The following DDX31 variants were observed in gnomAD, a reference collection of about 807,000 sequenced individuals.
DDX31 encodes ATP-dependent DNA helicase DDX31.
A neutral mutation model predicts 91.3 loss-of-function variants in DDX31; 70 were observed. The observed-to-expected ratio is 0.77, with a 90% CI of 0.63 to 0.94. The LOEUF (loss-of-function observed/expected upper bound fraction) is 0.94. Among genes scored for constraint, DDX31 ranks in the 40% least tolerant of loss-of-function variants. The probability of loss-of-function intolerance (pLI) is 0.00; values close to 1 mark genes in which losing one functional copy is unlikely to be tolerated. For synonymous variants in DDX31, 362 were observed against 350.6 expected (o/e 1.03, Z -0.36); for missense variants, 902 against 925.0 (o/e 0.98, Z 0.32).
chr9:132,653,623 T>C (rs1183011110), intron 6 of DDX31, among the ~76,000 whole-genome samples: 1 of 149,574 alleles, frequency 6.7e-6, no homozygotes, highest in Non-Finnish European at 1.5e-5. Context: ...AAAATCTATA[T>C]GAAGAAAATT....
intron 17 of DDX31, 51 bp from the exon 18 acceptor site, chr9:132,618,492 T>C: frequency 1.3e-6 from 2 of 1,504,722 alleles, no homozygotes; most frequent in East Asian, 2.3e-5. Context: ...AGGTCAGGAA[T>C]AATGAAGCAG....
At chr9:132,646,728 A>G (rs1025811203) in intron 12 of DDX31, 95 bp downstream of exon 12, 2 of 1,214,490 alleles carry the variant, frequency 1.6e-6, no homozygotes, top group Admixed American at 3.8e-5. Flanking sequence ...AAAACCTCTG[A>G]TTTTTGGTGT....
chr9:132,610,811 C>T (rs1382731936), intron 19 of DDX31, among the ~76,000 whole-genome samples: 1 of 152,078 alleles, frequency 6.6e-6, no homozygotes, highest in Non-Finnish European at 1.5e-5. Flanking sequence ...TTTTCCTCCC[C>T]CTAGTGTAGT....
chr9:132,593,691 G>T lies in DDX31; in HGVS notation c.*1175C>A, dbSNP rs567772457. On this transcript the variant is annotated 3_prime_UTR_variant, in exon 20 of 20. Transcript: ENST00000372159. ...GGAGGCAAGGATGCTGACCCCCCGTGGTCCCTGCAGGAAGGCCCACCTTGC... is the reference window on the plus strand; with the variant it reads ...GGAGGCAAGGATGCTGACCCCCCGTTGTCCCTGCAGGAAGGCCCACCTTGC... 6.6e-6 allele frequency: 1 copy of T among 152,248 alleles called. No homozygotes were observed. Among genetic ancestry groups the T allele is most frequent in the East Asian group, 1.9e-4 (1 of 5,158 alleles). The allele number at this position is 152,248 out of a possible 1,614,324, so 9.4% of individuals were successfully genotyped here.
intron 8 of DDX31, among the ~76,000 whole-genome samples, 154 bp downstream of exon 8, chr9:132,650,921 A>G (rs1834142338): frequency 6.6e-6 from 1 of 152,250 alleles, no homozygotes; most frequent in Admixed American, 6.5e-5. Context: ...GGTTTAGATC[A>G]GTAAAAACCT....
intron 6 of DDX31, among the ~76,000 whole-genome samples, chr9:132,656,096 A>G (rs558295619): frequency 6.6e-6 from 1 of 152,154 alleles, no homozygotes; most frequent in Non-Finnish European, 1.5e-5. Flanking sequence ...GATGGATATG[A>G]TGTTAAAAAA....
At chr9:132,657,610 T>A (rs1207485061) in intron 6 of DDX31, among the ~76,000 whole-genome samples, 1 of 152,250 alleles carries the variant, frequency 6.6e-6, no homozygotes, top group Non-Finnish European at 1.5e-5. Flanking sequence ...AAATATCAGG[T>A]AGGCTAGATA....
chr9:132,601,985 G>A (rs1830746911), intron 19 of DDX31, among the ~76,000 whole-genome samples: 13 of 152,212 alleles, frequency 8.5e-5, no homozygotes, highest in Admixed American at 8.5e-4. Context: ...AAGAGAAAAG[G>A]GGAGGAGACA....
chr9:132,594,274 A>T lies in DDX31; in HGVS notation c.*592T>A, dbSNP rs545692418. On this transcript the variant is annotated 3_prime_UTR_variant, in exon 20 of 20. Coordinates refer to ENST00000372159, the MANE Select transcript of DDX31 (RefSeq NM_022779.9). Reference sequence around the variant, plus strand: ...AACCTCGTGTTTCCAGAAGAAAATAAGAGGGACCACGAGCCTGAGAACACA... The same window carrying T: ...AACCTCGTGTTTCCAGAAGAAAATATGAGGGACCACGAGCCTGAGAACACA... 1 of 152,498 alleles carries T rather than the reference A, an allele frequency of 6.6e-6. No individual in the cohort carries two copies. Among genetic ancestry groups the T allele is most frequent in the South Asian group, 2.1e-4 (1 of 4,830 alleles). 9.4% of individuals were successfully genotyped at this position (152,498 alleles called of 1,614,324 possible). A position where few individuals can be genotyped will look rare whatever the true frequency, so the allele number is the denominator to read the frequency against.
chr9:132,641,080 G>A (rs1016428274), intron 14 of DDX31, among the ~76,000 whole-genome samples: 1 of 152,140 alleles, frequency 6.6e-6, no homozygotes, highest in Non-Finnish European at 1.5e-5. Flanking sequence ...TTGCAGATAA[G>A]CACACATATA....
intron 18 of DDX31, among the ~76,000 whole-genome samples, chr9:132,617,721 A>G (rs1334579990): frequency 6.6e-6 from 1 of 151,948 alleles, no homozygotes; most frequent in East Asian, 1.9e-4. Context: ...AACCCCCTTC[A>G]GCCATACACT....
chr9:132,659,032 G>A (rs1247951859), intron 5 of DDX31, among the ~76,000 whole-genome samples: 1 of 152,188 alleles, frequency 6.6e-6, no homozygotes, highest in Non-Finnish European at 1.5e-5. Flanking sequence ...CAACTTGATG[G>A]CTGTCTGTAG....
chr9:132,632,241 T>TATACACACACACAC (rs1554765289), intron 14 of DDX31, 150 bp from the exon 15 acceptor site: 1 of 91,882 alleles, frequency 1.1e-5, no homozygotes, highest in Non-Finnish European at 2.0e-5. Flanking sequence ...CCAGTACGTG[T>TATACACACACACAC]ACACACACAC....
intron 16 of DDX31, among the ~76,000 whole-genome samples, chr9:132,629,699 T>C (rs762163188): frequency 1.3e-5 from 2 of 152,222 alleles, no homozygotes; most frequent in Non-Finnish European, 2.9e-5. Context: ...CTGGGCTGTG[T>C]GCTCATGGCA....
intron 19 of DDX31, among the ~76,000 whole-genome samples, chr9:132,601,188 C>T (rs147874481): frequency 1.2e-3 from 185 of 152,304 alleles, no homozygotes; most frequent in African/African-American, 4.3e-3. Flanking sequence ...GGCATGTCTA[C>T]CACATCTGCA....
chr9:132,623,306 C>A (rs972418596), intron 17 of DDX31, among the ~76,000 whole-genome samples: 1 of 151,810 alleles, frequency 6.6e-6, no homozygotes, highest in Non-Finnish European at 1.5e-5. Context: ...GCCTGTAATC[C>A]CAGCACTTTG....
chr9:132,637,165 G>A (rs1156550841), intron 14 of DDX31, among the ~76,000 whole-genome samples: 1 of 151,952 alleles, frequency 6.6e-6, no homozygotes, highest in Non-Finnish European at 1.5e-5. Flanking sequence ...CCCAGGGAGA[G>A]GTCCCAGGGA....
intron 14 of DDX31, chr9:132,638,148 T>C: frequency 7.2e-7 from 1 of 1,384,958 alleles, no homozygotes; most frequent in Non-Finnish European, 9.4e-7. Flanking sequence ...GGGCTGCAGG[T>C]ATCTTTCCTT....
chr9:132,614,440 AG>A (rs1310841221), intron 18 of DDX31, among the ~76,000 whole-genome samples: 1 of 151,956 alleles, frequency 6.6e-6, no homozygotes, highest in Non-Finnish European at 1.5e-5. Context: ...TACGCGACCC[AG>A]GAGATTCAAG....
Sources: allele counts gnomAD v4.1 joint callset (sites outside exome capture counted in the v4.1 genomes callset), GRCh38; gene constraint gnomAD v4.1.1; transcripts MANE v1.5; gene names NCBI Gene and HGNC (gene_info 2026-07-23, HGNC 2026-07-21).